Variants in RAB33A observed in about 807,000 individuals in gnomAD.
RAB33A encodes RAB33A, member RAS oncogene family.
In RAB33A, 6 loss-of-function variants were observed where a neutral mutation model predicts 12.0. The ratio of observed to expected loss-of-function variants is 0.50; its 90% CI spans 0.27 to 0.99. The LOEUF (loss-of-function observed/expected upper bound fraction) is 0.99, where lower values mean the gene tolerates loss of function less well. Among genes scored for constraint, RAB33A ranks in the 50% least tolerant of loss-of-function variants. The pLI is 0.11. For synonymous variants in RAB33A, 70 were observed against 82.4 expected (o/e 0.85, Z 0.81); for missense variants, 109 against 192.0 (o/e 0.57, Z 2.55).
chrX:130,116,450 T>C, the RAB33A span, among the ~76,000 whole-genome samples: 1 of 111,608 alleles, frequency 9.0e-6, no homozygotes. Context: ...CGCATCACCA[T>C]GCTCAGCTAA....
At chrX:130,131,867 A>G in the RAB33A span, 2 of 1,156,067 alleles carry the variant, frequency 1.7e-6, no homozygotes, top group Admixed American at 2.2e-5. Context: ...CATATTCTCC[A>G]TGACACTGCA....
At chrX:130,161,512 A>AGGTTT in the RAB33A span, among the ~76,000 whole-genome samples, 1 of 65,504 alleles carries the variant, frequency 1.5e-5, no homozygotes, top group Non-Finnish European at 2.7e-5. Flanking sequence ...CTCTGTTTGA[A>AGGTTT]GAAAAAAAAA....
At chrX:130,164,370 T>A in the RAB33A span, among the ~76,000 whole-genome samples, 1 of 112,512 alleles carries the variant, frequency 8.9e-6, no homozygotes, top group East Asian at 2.8e-4. Flanking sequence ...ATTTTCATTG[T>A]GCATAGCAAC....
At chrX:130,149,359 C>T in the RAB33A span, 1 of 640,087 alleles carries the variant, frequency 1.6e-6, no homozygotes, top group Admixed American at 2.3e-5. Context: ...TGCTTGCAAT[C>T]TCATACCACC....
intron 1 of RAB33A, among the ~76,000 whole-genome samples, chrX:130,183,381 C>T (rs1202260971): frequency 9.3e-6 from 1 of 108,052 alleles, no homozygotes; most frequent in Non-Finnish European, 1.9e-5. Flanking sequence ...CAGTGAAACC[C>T]CATCTCTACT....
chrX:130,132,521 C>T, the RAB33A span, among the ~76,000 whole-genome samples: 553 of 112,374 alleles, frequency 4.9e-3, 1 homozygote, highest in Non-Finnish European at 7.5e-3. Context: ...CATTAACCTA[C>T]AGTATTTCCC....
the RAB33A span, chrX:130,155,208 A>G: frequency 1.7e-6 from 2 of 1,211,351 alleles, no homozygotes; most frequent in Non-Finnish European, 2.2e-6. Context: ...GAAGTACACT[A>G]GGTTGCTGCC....
At chrX:130,124,911 G>C in the RAB33A span, among the ~76,000 whole-genome samples, 1 of 111,958 alleles carries the variant, frequency 8.9e-6, no homozygotes, top group Non-Finnish European at 1.9e-5. Context: ...ACAAGAGCGA[G>C]GCTGAAGCCA....
the RAB33A span, among the ~76,000 whole-genome samples, chrX:130,144,634 C>T: frequency 8.9e-6 from 1 of 111,773 alleles, no homozygotes; most frequent in Non-Finnish European, 1.9e-5. Context: ...GAAAGCCTTT[C>T]CTGATGTCAT....
upstream of RAB33A, chrX:130,171,823 G>A (rs1293217682): frequency 5.1e-6 from 2 of 393,530 alleles, no homozygotes; most frequent in Admixed American, 4.8e-5. Context: ...CTTTTGTGTT[G>A]GTGCCTCCGA....
the RAB33A span, among the ~76,000 whole-genome samples, chrX:130,151,349 C>T: frequency 3.6e-5 from 4 of 110,789 alleles, no homozygotes; most frequent in Non-Finnish European, 7.6e-5. Flanking sequence ...CTATGTTGGC[C>T]AGGCTGGTCT....
At chrX:130,151,740 C>A in the RAB33A span, among the ~76,000 whole-genome samples, 2 of 112,376 alleles carry the variant, frequency 1.8e-5, no homozygotes, top group African/African-American at 6.5e-5. Context: ...AAAAACATTT[C>A]TTTTAAGAAA....
the RAB33A span, among the ~76,000 whole-genome samples, chrX:130,149,165 G>A: frequency 9.0e-6 from 1 of 110,827 alleles, no homozygotes. Flanking sequence ...CAGCTGACCC[G>A]CACATCTCGG....
the RAB33A span, among the ~76,000 whole-genome samples, chrX:130,127,093 T>C: frequency 9.0e-6 from 1 of 111,027 alleles, no homozygotes; most frequent in Non-Finnish European, 1.9e-5. Flanking sequence ...AGGCGGAAAG[T>C]CAGCCAAACA....
upstream of RAB33A, among the ~76,000 whole-genome samples, chrX:130,168,245 C>G (rs1448903769): frequency 4.8e-5 from 5 of 104,489 alleles, no homozygotes; most frequent in Non-Finnish European, 5.9e-5. Flanking sequence ...GACGGAGTCT[C>G]CCTTTGTCAC....
At chrX:130,145,909 A>G in the RAB33A span, among the ~76,000 whole-genome samples, 1 of 111,661 alleles carries the variant, frequency 9.0e-6, no homozygotes, top group Non-Finnish European at 1.9e-5. Context: ...CCCCACCCCC[A>G]GCAAAGCGTT....
chrX:130,111,219 C>G, the RAB33A span, among the ~76,000 whole-genome samples: 13 of 111,467 alleles, frequency 1.2e-4, no homozygotes, highest in Non-Finnish European at 1.9e-5. Context: ...CGGGCGGGCG[C>G]TCCCCACTCT....
chrX:130,124,129 G>C, the RAB33A span, among the ~76,000 whole-genome samples: 1 of 111,462 alleles, frequency 9.0e-6, no homozygotes, highest in East Asian at 2.8e-4. Context: ...GAGAAGCAAT[G>C]AAGTTCCAAT....
chrX:130,119,746 C>A, the RAB33A span, among the ~76,000 whole-genome samples: 1 of 111,826 alleles, frequency 8.9e-6, no homozygotes, highest in Admixed American at 9.5e-5. Context: ...GGATTCCCCC[C>A]GCCCCTTCCC....
Sources: allele counts gnomAD v4.1 joint callset (sites outside exome capture counted in the v4.1 genomes callset), GRCh38; gene constraint gnomAD v4.1.1; transcripts MANE v1.5; gene names NCBI Gene and HGNC (gene_info 2026-07-23, HGNC 2026-07-21).